MSANTD2: variants seen among roughly 807,000 people sequenced by gnomAD.
MSANTD2 encodes the protein myb/SANT-like DNA-binding domain-containing protein 2.
In MSANTD2, 19 loss-of-function variants were observed where a neutral mutation model predicts 52.6. The ratio of observed to expected loss-of-function variants is 0.36; its 90% CI spans 0.25 to 0.53. The LOEUF (loss-of-function observed/expected upper bound fraction) is 0.53. Among genes scored for constraint, MSANTD2 ranks in the 20% least tolerant of loss-of-function variants. MSANTD2 has a pLI of 0.91. For synonymous variants in MSANTD2, 291 were observed against 289.7 expected, an observed-to-expected ratio of 1.00 and a Z score of -0.04; for missense variants, 558 against 716.3, an observed-to-expected ratio of 0.78 and a Z score of 2.52.
At chr11:124,791,479 C>T in intron 1 of MSANTD2, 1 of 1,122,648 alleles carries the variant, frequency 8.9e-7, no homozygotes, top group Non-Finnish European at 1.3e-6. Context: ...TCAGGCGAGT[C>T]ACTCTCCTAA....
At chr11:124,778,030 A>T (rs1442947984) in intron 1 of MSANTD2, among the ~76,000 whole-genome samples, 2 of 152,232 alleles carry the variant, frequency 1.3e-5, no homozygotes, top group Non-Finnish European at 2.9e-5. Context: ...ATTATCACCC[A>T]CAATAAAGCA....
chr11:124,800,039 T>C lies in MSANTD2; in HGVS notation c.342A>G (p.Ala114=). Residue 114 remains alanine (A), a synonymous_variant, in exon 1 of 4, where the codon GCA becomes GCG. Transcript: ENST00000374979. This position sits in a 1 kb window ranked among gnomAD's most constrained non-coding sequence, Gnocchi z 4.3. ...WTPAETNALI[A]VWGNERLVEA... is the part of the protein sequence containing the mutation. ...CCACCAGCCGCTCGTTGCCCCACAC[T>C]GCGATGAGCGCGTTCGTCTCGGCTG... 1 of 1,573,712 alleles carries C rather than the reference T, an allele frequency of 6.4e-7. No homozygotes were observed. Among genetic ancestry groups the C allele is most frequent in the Non-Finnish European group, 8.5e-7 (1 of 1,169,736 alleles).
intron 3 of MSANTD2, among the ~76,000 whole-genome samples, chr11:124,768,698 T>C (rs1944393344): frequency 6.6e-6 from 1 of 152,202 alleles, no homozygotes; most frequent in African/African-American, 2.4e-5. Flanking sequence ...ATCTGGGAAT[T>C]CAGATGGAAA....
At position 124,799,856 on chromosome 11, in the gene MSANTD2, C is replaced by T. The variant is rs781678015; in HGVS notation, c.510+15G>A. 31 of 1,565,812 alleles carry T rather than the reference C, an allele frequency of 2.0e-5. No individual in the cohort carries two copies. The highest frequency in any genetic ancestry group is 2.2e-5 in the Non-Finnish European group (26 of 1,163,208). Reference sequence around the variant, plus strand: ...CTGCCTCTGGTTCGCTGCCCCAGGCCGGGCGGCCGGTTACCTTGATGCGCT... The same window carrying T: ...CTGCCTCTGGTTCGCTGCCCCAGGCTGGGCGGCCGGTTACCTTGATGCGCT... On this transcript the variant is annotated intron_variant, in intron 1 of 3. Transcript: ENST00000374979.
intron 1 of MSANTD2, chr11:124,792,509 CT>C (rs1220680171): frequency 6.6e-6 from 1 of 152,218 alleles, no homozygotes; most frequent in Non-Finnish European, 1.5e-5. Flanking sequence ...TGCCTCTGAG[CT>C]TTTACACTAA....
chr11:124,780,034 T>C (rs940818551), intron 1 of MSANTD2, among the ~76,000 whole-genome samples: 2 of 152,354 alleles, frequency 1.3e-5, no homozygotes, highest in Middle Eastern at 3.4e-3. Flanking sequence ...CTAGTTGCTC[T>C]TAGTTAATTG....
rs373880694 is a variant in MSANTD2, at chr11:124,800,381, C to A, written c.-1G>T. ...GCTCCGAGCCACAGGGCGCAGCCAT[C>A]TTCCAAGCGGCCGCCGCTGCACCGC... On this transcript the variant is annotated 5_prime_UTR_variant, in exon 1 of 4. Coordinates refer to ENST00000374979, the MANE Select transcript of MSANTD2 (RefSeq NM_001308027.2). This position sits in a 1 kb window ranked among gnomAD's most constrained non-coding sequence, Gnocchi z 4.3. 6.6e-7 allele frequency: 1 copy of A among 1,510,710 alleles called. No homozygotes were observed. The highest frequency in any genetic ancestry group is 1.3e-5 in the South Asian group (1 of 77,748). 93.6% of individuals were successfully genotyped at this position (1,510,710 alleles called of 1,614,324 possible). A position where few individuals can be genotyped will look rare whatever the true frequency, so the allele number is the denominator to read the frequency against.
intron 1 of MSANTD2, among the ~76,000 whole-genome samples, chr11:124,782,767 T>C (rs1254977367): frequency 1.3e-5 from 2 of 152,164 alleles, no homozygotes; most frequent in African/African-American, 4.8e-5. Context: ...ATTCAATACA[T>C]AATTAAGCTA....
intron 3 of MSANTD2, among the ~76,000 whole-genome samples, chr11:124,772,258 C>A (rs1206008640): frequency 6.6e-6 from 1 of 152,190 alleles, no homozygotes; most frequent in Non-Finnish European, 1.5e-5. Flanking sequence ...TTTCACCTAA[C>A]CTCAGATAAA....
rs1291013020 is a variant in MSANTD2, at chr11:124,774,046, A to C, written c.766+673T>G. ...TATATACTCTTAGTTAGGCCCTACAAGTTTAGATTTGATGACCAGGAATTT... is the reference window on the plus strand; with the variant it reads ...TATATACTCTTAGTTAGGCCCTACACGTTTAGATTTGATGACCAGGAATTT... On this transcript the variant is annotated intron_variant, in intron 2 of 3. Transcript: ENST00000374979. The surrounding 1 kb of genome is among the most constrained non-coding windows in gnomAD (Gnocchi z 5.1). Among the ~76,000 whole-genome samples, 1 of 152,232 alleles carries C rather than the reference A, an allele frequency of 6.6e-6. No homozygotes were observed. The highest frequency in any genetic ancestry group is 1.9e-4 in the East Asian group (1 of 5,204).
In MSANTD2 at chr11:124,774,861, C is replaced by T; in HGVS notation, c.624G>A (p.Gln208=). 6.2e-7 allele frequency: 1 copy of T among 1,613,898 alleles called. No homozygotes were observed. The highest frequency in any genetic ancestry group is 8.5e-7 in the Non-Finnish European group (1 of 1,180,024). Residue 208 remains glutamine, a synonymous_variant, in exon 2 of 4, where the codon CAG becomes CAA. Coordinates refer to ENST00000374979, the MANE Select transcript of MSANTD2 (RefSeq NM_001308027.2). This position sits in a 1 kb window ranked among gnomAD's most constrained non-coding sequence, Gnocchi z 5.1. Reference sequence around the variant, plus strand: ...TGTTAATAAGTACAGGCTGGCAGGGCTGAGCATCCCATCCTCCCTGACCAA... The same window carrying T: ...TGTTAATAAGTACAGGCTGGCAGGGTTGAGCATCCCATCCTCCCTGACCAA... ...QVFGQGGWDA[Q]PCQPVLINSS... is the part of the protein sequence containing the mutation.
rs11824190 is a variant in MSANTD2, at chr11:124,774,079, C to A, written c.766+640G>T. Among the ~76,000 whole-genome samples the A allele has an allele frequency of 0.029, 4,412 of 152,252 alleles. 204 individuals carry two copies. The highest frequency in any genetic ancestry group is 0.1 in the African/African-American group (4,146 of 41,540). ...TTTGATGACCAGGAATTTTATTTTCCATTTTTAATGCCTATGACTGTATAA... is the reference window on the plus strand; with the variant it reads ...TTTGATGACCAGGAATTTTATTTTCAATTTTTAATGCCTATGACTGTATAA... On this transcript the variant is annotated intron_variant, in intron 2 of 3. Transcript: ENST00000374979. The surrounding 1 kb of genome is among the most constrained non-coding windows in gnomAD (Gnocchi z 5.1).
chr11:124,776,627 A>G (rs1358653335), intron 1 of MSANTD2, among the ~76,000 whole-genome samples: 3 of 152,236 alleles, frequency 2.0e-5, no homozygotes, highest in African/African-American at 4.8e-5. Flanking sequence ...ATCACAGTTG[A>G]CAATCTACAA....
At chr11:124,783,798 A>G in intron 1 of MSANTD2, 1 of 985,396 alleles carries the variant, frequency 1.0e-6, no homozygotes, top group Non-Finnish European at 1.2e-6. Flanking sequence ...GAAGGACAAT[A>G]CTAATTGTTA....
intron 3 of MSANTD2, among the ~76,000 whole-genome samples, chr11:124,772,561 C>G (rs1347157312): frequency 1.3e-5 from 2 of 151,954 alleles, no homozygotes; most frequent in Non-Finnish European, 2.9e-5. Context: ...CACGATGAAA[C>G]CCCATCTCTA....
At chr11:124,769,227 C>T (rs779683818) in intron 3 of MSANTD2, among the ~76,000 whole-genome samples, 37 of 152,174 alleles carry the variant, frequency 2.4e-4, no homozygotes, top group Non-Finnish European at 3.2e-4. Context: ...TCTGTCCTCT[C>T]GCTCTCCTTG....
At chr11:124,795,777 C>A (rs1042580502) in intron 1 of MSANTD2, among the ~76,000 whole-genome samples, 16 of 152,124 alleles carry the variant, frequency 1.1e-4, no homozygotes, top group Admixed American at 3.9e-4. Context: ...TATTTGGTGA[C>A]TGGAGATATG....
intron 1 of MSANTD2, among the ~76,000 whole-genome samples, chr11:124,777,470 C>A (rs1944787333): frequency 6.6e-6 from 1 of 152,218 alleles, no homozygotes; most frequent in Non-Finnish European, 1.5e-5. Flanking sequence ...TGGTAGGAAA[C>A]CACAGCAAAG....
chr11:124,775,140 A>G, intron 1 of MSANTD2, 166 bp from the exon 2 acceptor site: 1 of 604,534 alleles, frequency 1.7e-6, no homozygotes, highest in South Asian at 2.6e-5. Flanking sequence ...AAAAATACTA[A>G]TTTAGCATTT....
Sources: gnomAD v4.1 joint callset for allele counts (sites outside exome capture counted in the v4.1 genomes callset) on GRCh38, gnomAD v4.1.1 for gene constraint, Gnocchi (gnomAD v3.1) non-coding constraint, MANE v1.5 for transcripts, NCBI Gene and HGNC (gene_info 2026-07-23, HGNC 2026-07-21) for gene names.